FCHO2: variants seen among roughly 807,000 people sequenced by gnomAD.
FCHO2 encodes FCH and mu domain containing endocytic adaptor 2, also known as F-BAR domain only protein 2.
FCHO2 carries 43 observed loss-of-function variants against 114.1 expected under a neutral mutation model. The observed-to-expected ratio is 0.38, with a 90% CI of 0.30 to 0.49. The LOEUF (loss-of-function observed/expected upper bound fraction) is 0.49, where lower values mean the gene tolerates loss of function less well. FCHO2 is among the 20% of genes least tolerant of loss of function. The pLI is 0.97. For missense variants in FCHO2, 807 were observed against 950.4 expected, an observed-to-expected ratio of 0.85 and a Z score of 1.98; for synonymous variants, 293 against 315.2, an observed-to-expected ratio of 0.93 and a Z score of 0.75.
chr5:72,968,601 TTAAA>T lies in FCHO2; in HGVS notation c.125+16_125+19del. The T allele has an allele frequency of 6.7e-7, 1 of 1,488,330 alleles. No individual in the cohort carries two copies. The highest frequency in any genetic ancestry group is 1.4e-5 in the South Asian group (1 of 71,988). The allele number at this position is 1,488,330 out of a possible 1,614,324, so 92.2% of individuals were successfully genotyped here. On this transcript the variant is annotated intron_variant, in intron 2 of 25. Transcript: ENST00000430046. ...TTTGTAAGGGAACGGTATGTATTTTTTAAATAAGTAATTTGTTTAACAACTTAAT... is the reference window on the plus strand; with the variant it reads ...TTTGTAAGGGAACGGTATGTATTTTTTAAGTAATTTGTTTAACAACTTAAT...
chr5:73,006,559 T>C lies in FCHO2; in HGVS notation c.600+10T>C. ...GACAGAAACAGCTCAGGTTGGTATT[T>C]TAAGGCTTCAGATTGAAAACAGGGC... On this transcript the variant is annotated intron_variant, in intron 6 of 25. Transcript: ENST00000430046. The C allele has an allele frequency of 6.7e-7, 1 of 1,491,954 alleles. No homozygotes were observed. Among genetic ancestry groups the C allele is most frequent in the Non-Finnish European group, 8.9e-7 (1 of 1,123,558 alleles). The allele number at this position is 1,491,954 out of a possible 1,614,324, so 92.4% of individuals were successfully genotyped here.
chr5:73,029,188 G>T (rs1319012365), intron 8 of FCHO2, among the ~76,000 whole-genome samples: 2 of 152,172 alleles, frequency 1.3e-5, no homozygotes, highest in Non-Finnish European at 2.9e-5. Flanking sequence ...GTTTAAAAAG[G>T]AGTTGGGAAG....
At chr5:73,019,813 A>C (rs867456499) in intron 8 of FCHO2, among the ~76,000 whole-genome samples, 1 of 152,182 alleles carries the variant, frequency 6.6e-6, no homozygotes, top group African/African-American at 2.4e-5. Flanking sequence ...GGTGTCCCCA[A>C]ACTAAACAAA....
chr5:72,979,386 T>TTC (rs1753060388), intron 2 of FCHO2, among the ~76,000 whole-genome samples: 1 of 110,208 alleles, frequency 9.1e-6, no homozygotes, highest in African/African-American at 3.6e-5. Context: ...TTCTTTTTTT[T>TTC]TTTTTTTTTT....
chr5:72,964,472 C>T (rs1752069476), intron 1 of FCHO2, among the ~76,000 whole-genome samples: 1 of 152,112 alleles, frequency 6.6e-6, no homozygotes, highest in Non-Finnish European at 1.5e-5. Flanking sequence ...CAACCTCTGC[C>T]TCCCGGGTTC....
chr5:72,995,406 C>A (rs1016228216), intron 5 of FCHO2, among the ~76,000 whole-genome samples: 20 of 152,020 alleles, frequency 1.3e-4, no homozygotes, highest in Admixed American at 1.2e-3. Context: ...CAGTCATGTG[C>A]CACCTCGCCT....
chr5:73,065,974 T>G (rs377749559), intron 18 of FCHO2, among the ~76,000 whole-genome samples: 2 of 152,032 alleles, frequency 1.3e-5, no homozygotes, highest in Non-Finnish European at 2.9e-5. Context: ...CTCCCACTTA[T>G]AAGTGAGAAC....
chr5:73,025,120 G>T (rs1217905750), intron 8 of FCHO2, among the ~76,000 whole-genome samples: 2 of 152,158 alleles, frequency 1.3e-5, no homozygotes, highest in Non-Finnish European at 2.9e-5. Context: ...ACTAACTAGT[G>T]TGGGGTGGAG....
chr5:72,995,102 C>G (rs1754016415), intron 5 of FCHO2, among the ~76,000 whole-genome samples: 1 of 151,970 alleles, frequency 6.6e-6, no homozygotes, highest in East Asian at 1.9e-4. Context: ...CACATGTTCC[C>G]CTGAACCTAA....
At chr5:73,037,114 T>G (rs1225230781) in intron 9 of FCHO2, 29 bp from the exon 10 acceptor site, 1 of 1,412,364 alleles carries the variant, frequency 7.1e-7, no homozygotes, top group Non-Finnish European at 9.7e-7. Context: ...ATGTTTATGT[T>G]TCTGTAACAA....
At chr5:73,013,215 T>G (rs754096060) in intron 6 of FCHO2, among the ~76,000 whole-genome samples, 2 of 152,184 alleles carry the variant, frequency 1.3e-5, no homozygotes, top group South Asian at 2.1e-4. Context: ...GATTCAAGTT[T>G]TTGGGCTGTT....
intron 1 of FCHO2, among the ~76,000 whole-genome samples, chr5:72,957,356 C>G (rs989936328): frequency 6.6e-6 from 1 of 152,154 alleles, no homozygotes; most frequent in African/African-American, 2.4e-5. Context: ...GAAAGAATCC[C>G]TAGACCCATT....
intron 2 of FCHO2, among the ~76,000 whole-genome samples, chr5:72,972,207 C>T (rs1752597468): frequency 6.6e-6 from 1 of 151,862 alleles, no homozygotes; most frequent in South Asian, 2.1e-4. Flanking sequence ...TCCATATGAA[C>T]TTTAAAGTAG....
At chr5:73,002,984 C>T (rs1271536824) in intron 5 of FCHO2, among the ~76,000 whole-genome samples, 3 of 152,062 alleles carry the variant, frequency 2.0e-5, no homozygotes, top group Non-Finnish European at 4.4e-5. Context: ...TTATTTCACA[C>T]AATCTTTCCC....
At chr5:72,985,788 T>G (rs1328149749) in intron 2 of FCHO2, among the ~76,000 whole-genome samples, 1 of 152,186 alleles carries the variant, frequency 6.6e-6, no homozygotes, top group African/African-American at 2.4e-5. Flanking sequence ...TTTTGTTCTT[T>G]CTCTTTTTAA....
intron 17 of FCHO2, 51 bp from the exon 18 acceptor site, chr5:73,063,790 A>T: frequency 6.7e-7 from 1 of 1,499,362 alleles, no homozygotes; most frequent in East Asian, 2.4e-5. Context: ...TTATGTAAGG[A>T]TTGCTACATA....
intron 13 of FCHO2, among the ~76,000 whole-genome samples, chr5:73,053,852 G>A (rs1757451313): frequency 6.6e-6 from 1 of 151,838 alleles, no homozygotes; most frequent in African/African-American, 2.4e-5. Flanking sequence ...ATTGTGAATA[G>A]TTTTAAATTT....
rs1157484061 is a variant in FCHO2 at position 73,077,353 on chromosome 5, C to T, written c.1707C>T (p.Ile569=). ...GADPTKCIVK[I]TGDMTMSFPS... is the part of the protein sequence containing the mutation. ...CCTGTTTTAGGTGTATTGTGAAGAT[C>T]ACTGGTGATATGACAATGTCATTTC... The change falls in exon 21 of 26, where the codon ATC becomes ATT. Residue 569 remains isoleucine (I), a synonymous_variant. Coordinates refer to ENST00000430046, the MANE Select transcript of FCHO2 (RefSeq NM_138782.3). 6.3e-7 allele frequency: 1 copy of T among 1,579,930 alleles called. No individual in the cohort carries two copies. Among genetic ancestry groups the T allele is most frequent in the Admixed American group, 1.8e-5 (1 of 54,660 alleles).
chr5:72,985,530 C>T (rs1203695881), intron 2 of FCHO2, among the ~76,000 whole-genome samples: 5 of 152,130 alleles, frequency 3.3e-5, no homozygotes, highest in Non-Finnish European at 7.4e-5. Context: ...CATATATTAT[C>T]CAAATATAAC....
Sources: gnomAD v4.1 joint callset for allele counts (sites outside exome capture counted in the v4.1 genomes callset) on GRCh38, gnomAD v4.1.1 for gene constraint, MANE v1.5 for transcripts, NCBI Gene and HGNC (gene_info 2026-07-23, HGNC 2026-07-21) for gene names.